Variants in EIPR1 observed in about 807,000 individuals in gnomAD.
EIPR1 encodes EARP and GARP complex-interacting protein 1.
EIPR1 carries 25 observed loss-of-function variants against 48.1 expected under a neutral mutation model. That is an observed-to-expected ratio of 0.52 (90% CI 0.38 to 0.73). The LOEUF (loss-of-function observed/expected upper bound fraction) is 0.73. Among genes scored for constraint, EIPR1 ranks in the 30% least tolerant of loss-of-function variants. EIPR1 has a pLI of 0.00. For missense variants in EIPR1, 415 were observed against 506.2 expected (o/e 0.82, Z 1.73); for synonymous variants, 204 against 201.9 (o/e 1.01, Z -0.09).
chr2:3,327,437 G>T (rs1669731767), intron 3 of EIPR1, among the ~76,000 whole-genome samples: 1 of 152,186 alleles, frequency 6.6e-6, no homozygotes. Context: ...GTCCGCCTTG[G>T]CCTCCCATAG....
intron 5 of EIPR1, among the ~76,000 whole-genome samples, chr2:3,203,320 A>G (rs1021432292): frequency 2.0e-5 from 3 of 152,266 alleles, no homozygotes; most frequent in Non-Finnish European, 2.9e-5. Context: ...AGGAACTGCG[A>G]TGGGCGTTAC....
Position 3,354,510 on chromosome 2 carries a change from C to T in EIPR1, c.126+40G>A, listed in dbSNP as rs7581127. 2.7e-3 allele frequency: 4,246 copies of T among 1,571,266 alleles called. 103 individuals carry two copies. In the African/African-American group the frequency reaches 0.051, roughly 19 times the overall value. ...AAATGGTTATAAAACTAAGAATAGG[C>T]TTAGTAATTATCATGTATACATTTG... On this transcript the variant is annotated intron_variant, in intron 2 of 8. Transcript: ENST00000382125.
intron 4 of EIPR1, among the ~76,000 whole-genome samples, chr2:3,235,413 T>A (rs6548136): frequency 6.6e-6 from 1 of 152,038 alleles, no homozygotes; most frequent in Non-Finnish European, 1.5e-5. Flanking sequence ...CATGTGTGCA[T>A]GCGGGTGCGC....
At chr2:3,375,286 C>T (rs1397138928) in intron 1 of EIPR1, among the ~76,000 whole-genome samples, 1 of 148,874 alleles carries the variant, frequency 6.7e-6, no homozygotes, top group East Asian at 2.0e-4. Context: ...TGCTGAATGA[C>T]GAGTTAATGG....
chr2:3,210,974 C>T (rs999088165), intron 5 of EIPR1, among the ~76,000 whole-genome samples: 4 of 151,962 alleles, frequency 2.6e-5, no homozygotes, highest in Admixed American at 1.3e-4. Flanking sequence ...TGCATAGTTT[C>T]GGTGGAGGAT....
intron 2 of EIPR1, among the ~76,000 whole-genome samples, chr2:3,349,130 G>T (rs992583547): frequency 1.3e-5 from 2 of 152,262 alleles, no homozygotes; most frequent in Non-Finnish European, 2.9e-5. Flanking sequence ...CATGGCACAT[G>T]CCTCAGAGCT....
At chr2:3,352,366 T>C (rs1337850376) in intron 2 of EIPR1, among the ~76,000 whole-genome samples, 59 of 107,702 alleles carry the variant, frequency 5.5e-4, no homozygotes, top group East Asian at 9.2e-4. Context: ...CCCTGAGCCA[T>C]CCACACTGTC....
At chr2:3,316,794 C>G (rs2103317737) in intron 3 of EIPR1, among the ~76,000 whole-genome samples, 1 of 152,372 alleles carries the variant, frequency 6.6e-6, no homozygotes, top group South Asian at 2.1e-4. Context: ...GCCTCACAGC[C>G]CCCTGACCTG....
At chr2:3,317,340 C>T (rs1412075932) in intron 3 of EIPR1, among the ~76,000 whole-genome samples, 3 of 133,598 alleles carry the variant, frequency 2.2e-5, no homozygotes, top group East Asian at 4.7e-4. Flanking sequence ...GCCTCGCACG[C>T]GGGGTGGAGC....
rs1222809032 is a variant in EIPR1 at position 3,338,109 on chromosome 2, T to A, written c.167A>T (p.Asn56Ile). 1.2e-6 allele frequency: 2 copies of A among 1,612,640 alleles called. No homozygotes were observed. Among genetic ancestry groups the A allele is most frequent in the Non-Finnish European group, 1.7e-6 (2 of 1,179,800 alleles). Residue 56 changes from asparagine (N) to isoleucine (I), a missense_variant, in exon 3 of 9, where the codon AAT (asparagine) becomes ATT (isoleucine). Coordinates refer to ENST00000382125, the MANE Select transcript of EIPR1 (RefSeq NM_003310.5). The part of the protein sequence containing the change: ...IDFDDENNII[N>I]KNVLLHQAGE... ...CGCTTGATGGAGGAGGACATTTTTA[T>A]TTATAATGTTGTTTTCATCGTCAAA... is the stretch of plus-strand genomic sequence containing the variant.
chr2:3,358,650 T>A lies in EIPR1; in HGVS notation c.43-4017A>T, dbSNP rs151319101. ...GCATATATGCACAGAAAATTTTGCA[T>A]ATAATTATCAGCAAGTCACAGAGCC... On this transcript the variant is annotated intron_variant, in intron 1 of 8. Transcript: ENST00000382125. Among the ~76,000 whole-genome samples the A allele has an allele frequency of 5.3e-3, 803 of 152,312 alleles. 4 individuals are homozygous for A. Among genetic ancestry groups the A allele is most frequent in the Non-Finnish European group, 7.9e-3 (535 of 68,030 alleles).
rs564685977 is a variant in EIPR1 at position 3,197,827 on chromosome 2, T to C, written c.517-810A>G. 7.0e-4 allele frequency among the ~76,000 whole-genome samples: 106 copies of C among 152,280 alleles called. No homozygotes were observed. The Middle Eastern group carries it at 0.01, about 15-fold the overall frequency. ...GACACAGTTCCCACCACTAATTCCG[T>C]TAACTTTCAAACCAGCTGTGCTCTT... On this transcript the variant is annotated intron_variant, in intron 5 of 8. Coordinates refer to ENST00000382125, the MANE Select transcript of EIPR1 (RefSeq NM_003310.5).
At chr2:3,250,596 A>G (rs2177911) in intron 4 of EIPR1, among the ~76,000 whole-genome samples, 87,208 of 151,970 alleles carry the variant, frequency 0.57, 25,382 homozygotes, top group East Asian at 0.75. Context: ...TGAGGGCAGA[A>G]GCAGAATGGT....
chr2:3,213,729 C>G (rs1395550537), intron 5 of EIPR1, among the ~76,000 whole-genome samples: 1 of 152,148 alleles, frequency 6.6e-6, no homozygotes. Context: ...ACCTGAAAGA[C>G]CCCATCAGTC....
At position 3,198,681 on chromosome 2, in the gene EIPR1, T is replaced by A. The variant is rs572160394; in HGVS notation, c.517-1664A>T. Among the ~76,000 whole-genome samples, 8 of 152,252 alleles carry A rather than the reference T, an allele frequency of 5.3e-5. 1 individual carries two copies. In the South Asian group the frequency reaches 1.2e-3, roughly 24 times the overall value. On this transcript the variant is annotated intron_variant, in intron 5 of 8. Transcript: ENST00000382125. ...AGACATCACATGTCAGCAGGTTCCA[T>A]GATGCCCCGTGAGCCGTAAAACCAG...
intron 3 of EIPR1, among the ~76,000 whole-genome samples, chr2:3,318,384 C>G (rs1370957111): frequency 6.6e-6 from 1 of 152,166 alleles, no homozygotes; most frequent in African/African-American, 2.4e-5. Context: ...CTCCAGGGAC[C>G]AAGTCTTATT....
Position 3,189,348 on chromosome 2 carries a change from G to A in EIPR1, c.1150C>T (p.His384Tyr). ...INRVPRALKY[H>Y]ILL ...AGGCCCGGGAGTCATAGCAGGATGT[G>A]GTACTTCAGGGCCCTGGGCACCCTG... Residue 384 changes from histidine to tyrosine, a missense_variant, in exon 9 of 9, where the codon CAC (histidine) becomes TAC (tyrosine). Physicochemically the swap from His to Tyr is moderately conservative, Grantham distance 83. Transcript: ENST00000382125. The surrounding 1 kb of genome is among the most constrained non-coding windows in gnomAD (Gnocchi z 4.6). 2 of 1,591,314 alleles carry A rather than the reference G, an allele frequency of 1.3e-6. No homozygotes were observed. Among genetic ancestry groups the A allele is most frequent in the Middle Eastern group, 1.7e-4 (1 of 5,998 alleles).
chr2:3,240,447 C>CAAAGCAGGAGATCCTTCCTCAAGA (rs1410562859), intron 4 of EIPR1, among the ~76,000 whole-genome samples: 1 of 133,156 alleles, frequency 7.5e-6, no homozygotes, highest in African/African-American at 2.8e-5. Flanking sequence ...CTTCCTAAAG[C>CAAAGCAGGAGATCCTTCCTCAAGA]AAAGCAGGAG....
intron 2 of EIPR1, among the ~76,000 whole-genome samples, chr2:3,339,955 C>A (rs1320914098): frequency 6.6e-6 from 1 of 152,180 alleles, no homozygotes; most frequent in African/African-American, 2.4e-5. Flanking sequence ...GTCTCAACAA[C>A]AACAAAAAAA....
Sources: allele counts gnomAD v4.1 joint callset (sites outside exome capture counted in the v4.1 genomes callset), GRCh38; gene constraint gnomAD v4.1.1; non-coding constraint Gnocchi (gnomAD v3.1); transcripts MANE v1.5; gene names NCBI Gene and HGNC (gene_info 2026-07-23, HGNC 2026-07-21).